THSD7B: variants seen among roughly 807,000 people sequenced by gnomAD.
THSD7B encodes thrombospondin type-1 domain-containing protein 7B.
A neutral mutation model predicts 213.6 loss-of-function variants in THSD7B; 138 were observed. The observed-to-expected ratio is 0.65, with a 90% CI of 0.56 to 0.74. The LOEUF is 0.74. Among genes scored for constraint, THSD7B ranks in the 30% least tolerant of loss-of-function variants. The pLI, the probability that THSD7B is intolerant of heterozygous loss-of-function variation, is 0.00. For missense variants in THSD7B, 1,931 were observed against 1,991.5 expected, an observed-to-expected ratio of 0.97 and a Z score of 0.58; for synonymous variants, 742 against 687.0, an observed-to-expected ratio of 1.08 and a Z score of -1.25.
Position 136,883,341 on chromosome 2 carries a change from T to TA in THSD7B, c.139+1034dup, listed in dbSNP as rs3084745. On this transcript the variant is annotated intron_variant, in intron 2 of 27. Coordinates refer to ENST00000409968, the MANE Select transcript of THSD7B (RefSeq NM_001316349.2). ...GAATTATGCTTTAAAGTCTATTAAGTAAAAAAAAAACACAGCCACCATTAG... is the reference window on the plus strand; with the variant it reads ...GAATTATGCTTTAAAGTCTATTAAGTAAAAAAAAAAACACAGCCACCATTAG... 8.4e-3 allele frequency among the ~76,000 whole-genome samples: 1,255 copies of TA among 148,926 alleles called. 23 individuals are homozygous for TA. The highest frequency in any genetic ancestry group is 0.027 in the African/African-American group (1,121 of 40,932).
rs187247158 is a variant in THSD7B, at chr2:137,010,179, G to A, written c.140-46241G>A. ...TTTGAGGACATGTGTTTTCCATTACGATCAGATACAGAATCATGTGCAGAA... is the reference window on the plus strand; with the variant it reads ...TTTGAGGACATGTGTTTTCCATTACAATCAGATACAGAATCATGTGCAGAA... On this transcript the variant is annotated intron_variant, in intron 2 of 27. Transcript: ENST00000409968. Among the ~76,000 whole-genome samples, 23 of 152,206 alleles carry A rather than the reference G, an allele frequency of 1.5e-4. 1 individual carries two copies. Among genetic ancestry groups the A allele is most frequent in the Admixed American group, 8.5e-4 (13 of 15,290 alleles).
intron 5 of THSD7B, among the ~76,000 whole-genome samples, chr2:137,142,030 C>A (rs897597664): frequency 6.6e-6 from 1 of 152,130 alleles, no homozygotes. Context: ...AATATTTCAA[C>A]AACATTCTTT....
intron 15 of THSD7B, among the ~76,000 whole-genome samples, chr2:137,535,751 G>C (rs1285033220): frequency 2.0e-5 from 3 of 151,614 alleles, no homozygotes; most frequent in African/African-American, 7.3e-5. Flanking sequence ...ATAATGATAG[G>C]TTATGATGGT....
At chr2:137,597,272 G>A (rs1681980033) in intron 17 of THSD7B, among the ~76,000 whole-genome samples, 1 of 151,924 alleles carries the variant, frequency 6.6e-6, no homozygotes, top group Non-Finnish European at 1.5e-5. Flanking sequence ...GTTAGCTTAT[G>A]ATTCTCTGAC....
chr2:136,944,015 A>G (rs556230802), intron 2 of THSD7B, among the ~76,000 whole-genome samples: 2 of 152,288 alleles, frequency 1.3e-5, no homozygotes, highest in South Asian at 4.1e-4. Flanking sequence ...TCTTGTGGGC[A>G]TCTAGTGCTA....
At chr2:136,875,684 G>T (rs1344736575) in intron 1 of THSD7B, among the ~76,000 whole-genome samples, 9 of 152,118 alleles carry the variant, frequency 5.9e-5, no homozygotes, top group Admixed American at 2.6e-4. Flanking sequence ...CTGCTGTTGG[G>T]TCCTGGCTTG....
At chr2:137,133,361 G>A (rs568550696) in intron 5 of THSD7B, among the ~76,000 whole-genome samples, 5 of 152,158 alleles carry the variant, frequency 3.3e-5, no homozygotes, top group Admixed American at 1.3e-4. Flanking sequence ...TTAGGCAAAT[G>A]GAACATAAAC....
chr2:137,361,344 C>G (rs1685252297), intron 12 of THSD7B, among the ~76,000 whole-genome samples: 1 of 152,154 alleles, frequency 6.6e-6, no homozygotes, highest in Non-Finnish European at 1.5e-5. Flanking sequence ...AGTGCAGCTC[C>G]TCACCAGCAA....
chr2:137,231,037 A>G lies in THSD7B; in HGVS notation c.1724-7A>G. The G allele has an allele frequency of 1.2e-5, 20 of 1,612,118 alleles. No individual in the cohort carries two copies. The highest frequency in any genetic ancestry group is 1.4e-5 in the Non-Finnish European group (17 of 1,179,270). On this transcript the variant is annotated splice_polypyrimidine_tract_variant and splice_region_variant and intron_variant, in intron 7 of 27. Coordinates refer to ENST00000409968, the MANE Select transcript of THSD7B (RefSeq NM_001316349.2). ...ATCACCAACTGTCTTGATCTTGTTG[A>G]TTGTAGGAGAAGATGTATCAGGGAG... is the stretch of plus-strand genomic sequence containing the variant.
chr2:137,314,588 T>C (rs1320565065), intron 12 of THSD7B, among the ~76,000 whole-genome samples: 1 of 152,222 alleles, frequency 6.6e-6, no homozygotes, highest in Non-Finnish European at 1.5e-5. Flanking sequence ...GTGCTCTGCT[T>C]TTTAGAGTTT....
At chr2:137,153,710 C>T (rs1185415949) in intron 5 of THSD7B, among the ~76,000 whole-genome samples, 1 of 152,108 alleles carries the variant, frequency 6.6e-6, no homozygotes, top group Non-Finnish European at 1.5e-5. Context: ...TTTCCCCTTC[C>T]ACCATTTGAC....
intron 17 of THSD7B, among the ~76,000 whole-genome samples, chr2:137,576,274 T>C (rs1214783741): frequency 6.6e-6 from 1 of 152,106 alleles, no homozygotes. Context: ...TCCAAACTGT[T>C]GTATATTTTG....
chr2:136,783,380 C>T (rs755503115), intron 1 of THSD7B, among the ~76,000 whole-genome samples: 4 of 152,072 alleles, frequency 2.6e-5, no homozygotes, highest in Admixed American at 6.5e-5. Context: ...GTACATGCCA[C>T]GTGGTTCTCG....
At chr2:137,004,212 CTA>C (rs1686057802) in intron 2 of THSD7B, among the ~76,000 whole-genome samples, 1 of 151,768 alleles carries the variant, frequency 6.6e-6, no homozygotes, top group Non-Finnish European at 1.5e-5. Context: ...AATGAGAAGT[CTA>C]TGCATTTATA....
intron 3 of THSD7B, among the ~76,000 whole-genome samples, chr2:137,080,849 A>G (rs889299402): frequency 6.6e-6 from 1 of 152,262 alleles, no homozygotes; most frequent in Non-Finnish European, 1.5e-5. Flanking sequence ...GAGAAGTTTC[A>G]GTCATTTTGC....
At chr2:136,839,258 C>T (rs1259310168) in intron 1 of THSD7B, among the ~76,000 whole-genome samples, 1 of 152,164 alleles carries the variant, frequency 6.6e-6, no homozygotes. Context: ...GAGGGTCACC[C>T]CTGGCTGGGA....
intron 2 of THSD7B, among the ~76,000 whole-genome samples, chr2:136,913,828 C>T (rs1215554949): frequency 6.6e-6 from 1 of 152,232 alleles, no homozygotes; most frequent in Non-Finnish European, 1.5e-5. Flanking sequence ...AAGGGCAGGG[C>T]CCTCATGGAG....
chr2:137,635,606 C>A (rs1259342020), intron 20 of THSD7B, among the ~76,000 whole-genome samples: 2 of 152,114 alleles, frequency 1.3e-5, no homozygotes, highest in Admixed American at 1.3e-4. Flanking sequence ...GTACTCATTA[C>A]AGGCATGTTT....
At chr2:137,451,160 C>A (rs1687643933) in intron 15 of THSD7B, 137 bp downstream of exon 15, 1 of 871,704 alleles carries the variant, frequency 1.1e-6, no homozygotes, top group South Asian at 3.0e-5. Flanking sequence ...ATTAAGAGGG[C>A]CAAAATTAAA....
Sources: gnomAD v4.1 joint callset for allele counts (sites outside exome capture counted in the v4.1 genomes callset) on GRCh38, gnomAD v4.1.1 for gene constraint, MANE v1.5 for transcripts, NCBI Gene and HGNC (gene_info 2026-07-23, HGNC 2026-07-21) for gene names.